The following NPEPL1 variants were observed in gnomAD, a reference collection of about 807,000 sequenced individuals.
NPEPL1 encodes aminopeptidase like 1, also known as probable aminopeptidase NPEPL1.
Under a neutral mutation model 52.4 loss-of-function variants are expected in NPEPL1, and 45 were observed. The ratio of observed to expected loss-of-function variants is 0.86; its 90% CI spans 0.68 to 1.10. The LOEUF (loss-of-function observed/expected upper bound fraction) is 1.10, where lower values mean the gene tolerates loss of function less well. NPEPL1 is among the 50% of genes least tolerant of loss of function. NPEPL1 has a pLI of 0.00. For synonymous variants in NPEPL1, 360 were observed against 314.7 expected (o/e 1.14, Z -1.52); for missense variants, 696 against 710.9 (o/e 0.98, Z 0.24).
chr20:58,715,345 G>C lies in NPEPL1; in HGVS notation c.*19G>C. 1 of 1,583,050 alleles carries C rather than the reference G, an allele frequency of 6.3e-7. No individual in the cohort carries two copies. The highest frequency in any genetic ancestry group is 8.6e-7 in the Non-Finnish European group (1 of 1,164,740). Reference sequence around the variant, plus strand: ...TGTGTGAGCCTCCTGCCTCGGCCCTGACAAACGGGGATCTTTTACCTCACT... The same window carrying C: ...TGTGTGAGCCTCCTGCCTCGGCCCTCACAAACGGGGATCTTTTACCTCACT... On this transcript the variant is annotated 3_prime_UTR_variant, in exon 12 of 12. Coordinates refer to ENST00000356091, the MANE Select transcript of NPEPL1 (RefSeq NM_024663.4).
At chr20:58,693,960 G>C (rs369613806) in intron 2 of NPEPL1, 38 bp downstream of exon 2, 89 of 1,515,932 alleles carry the variant, frequency 5.9e-5, no homozygotes, top group Non-Finnish European at 7.7e-5. Flanking sequence ...GGTGCTCCTA[G>C]TCGGGCAGCG....
In NPEPL1 at chr20:58,693,923, G is replaced by A. The variant is rs981272761; in HGVS notation, c.336+1G>A. On this transcript the variant is annotated splice_donor_variant, in intron 2 of 11. Coordinates refer to ENST00000356091, the MANE Select transcript of NPEPL1 (RefSeq NM_024663.4). LOFTEE classifies it high-confidence loss of function. ...GCCCGGAGCGCATCGCTGCATTGTG[G>A]TGAGTGCTTCGAGAGGAGGCAGCCA... 1.3e-6 allele frequency: 2 copies of A among 1,585,992 alleles called. No individual in the cohort carries two copies. Among genetic ancestry groups the A allele is most frequent in the East Asian group, 2.3e-5 (1 of 43,228 alleles).
chr20:58,705,798 G>T (rs1474043947), intron 6 of NPEPL1, among the ~76,000 whole-genome samples: 1 of 152,182 alleles, frequency 6.6e-6, no homozygotes, highest in Non-Finnish European at 1.5e-5. Flanking sequence ...AGGCATTGCT[G>T]TGTGACCCAT....
chr20:58,707,782 A>T (rs1251113458), intron 7 of NPEPL1, among the ~76,000 whole-genome samples: 1 of 152,174 alleles, frequency 6.6e-6, no homozygotes, highest in Admixed American at 6.5e-5. Flanking sequence ...GGCCATAAAA[A>T]GTGCTTATTA....
Position 58,694,538 on chromosome 20 carries a change from GGAGTTTTTCCTGGTGGGACAA to G in NPEPL1, c.456_476del (p.Glu152_Gln158del). The G allele has an allele frequency of 6.2e-7, 1 of 1,614,008 alleles. No individual in the cohort carries two copies. The highest frequency in any genetic ancestry group is 8.5e-7 in the Non-Finnish European group (1 of 1,179,894). On this transcript the variant is annotated inframe_deletion, in exon 3 of 12. Coordinates refer to ENST00000356091, the MANE Select transcript of NPEPL1 (RefSeq NM_024663.4). The stretch of plus-strand genomic sequence containing the variant: ...GCTTGGAGAAGAAGACGGTCACCGT[GGAGTTTTTCCTGGTGGGACAA>G]GACAACGGGCCGGTGGAGGTGTCCA...
At chr20:58,705,616 G>A in intron 6 of NPEPL1, 1 of 441,238 alleles carries the variant, frequency 2.3e-6, no homozygotes. Context: ...TTAAATCACT[G>A]CGAAAATGGT....
At chr20:58,712,453 G>C (rs2084869062) in intron 7 of NPEPL1, 26 bp from the exon 8 acceptor site, 1 of 1,540,378 alleles carries the variant, frequency 6.5e-7, no homozygotes, top group South Asian at 1.1e-5. Flanking sequence ...CCTACAACTG[G>C]AGCCTCTGCC....
chr20:58,704,811 C>A (rs2084705688), intron 6 of NPEPL1, among the ~76,000 whole-genome samples: 1 of 152,214 alleles, frequency 6.6e-6, no homozygotes, highest in Non-Finnish European at 1.5e-5. Context: ...CACCAAAACT[C>A]AACAAGTGGT....
At position 58,707,215 on chromosome 20, in the gene NPEPL1, C is replaced by T. The variant is rs1308504407; in HGVS notation, c.900+15C>T. 3 of 1,544,904 alleles carry T rather than the reference C, an allele frequency of 1.9e-6. No homozygotes were observed. Among genetic ancestry groups the T allele is most frequent in the East Asian group, 2.4e-5 (1 of 40,928 alleles). ...CAATCAAGCAGGTGAGTGGGCCCTG[C>T]CCGCCCTCTGCAGGGGCATCCTGGG... is the stretch of plus-strand genomic sequence containing the variant. On this transcript the variant is annotated intron_variant, in intron 7 of 11. Transcript: ENST00000356091.
intron 7 of NPEPL1, among the ~76,000 whole-genome samples, chr20:58,711,868 G>A (rs945917546): frequency 6.6e-5 from 10 of 152,200 alleles, no homozygotes; most frequent in Non-Finnish European, 1.2e-4. Flanking sequence ...TTAAAGATTC[G>A]TCTGCGGGAG....
rs1239151203 is a variant in NPEPL1 at position 58,694,461 on chromosome 20, G to T, written c.376G>T (p.Ala126Ser). The T allele has an allele frequency of 5.0e-6, 8 of 1,613,582 alleles. No homozygotes were observed. Among genetic ancestry groups the T allele is most frequent in the Non-Finnish European group, 6.8e-6 (8 of 1,179,766 alleles). The change falls in exon 3 of 12, where the codon GCC (alanine) becomes TCC (serine). Residue 126 changes from alanine (A) to serine (S), a missense_variant. By Grantham distance (99) the Ala-to-Ser change is moderately conservative. Transcript: ENST00000356091. ...GCCGGAGGTCTTTGCTTCCGCCTGT[G>T]CCCTGGCCCGGGCCTTCCCGCTGTT... The part of the protein sequence containing the change: ...EQPEVFASAC[A>S]LARAFPLFTH...
chr20:58,702,092 G>A (rs191170798), intron 6 of NPEPL1, among the ~76,000 whole-genome samples: 4 of 152,352 alleles, frequency 2.6e-5, no homozygotes, highest in South Asian at 2.1e-4. Context: ...GAGTGCATCC[G>A]CAGCAGACAC....
Position 58,712,746 on chromosome 20 carries a change from C to T in NPEPL1, c.1001+167C>T, listed in dbSNP as rs551051773. 6.3e-5 allele frequency: 44 copies of T among 693,666 alleles called. No individual in the cohort carries two copies. The East Asian group carries it at 6.9e-4, about 11-fold the overall frequency. 43.0% of individuals were successfully genotyped at this position (693,666 alleles called of 1,614,324 possible). A position where few individuals can be genotyped will look rare whatever the true frequency, so the allele number is the denominator to read the frequency against. ...AGGGCTGGGGAGCTTTGGTAGCAGG[C>T]GCACCTCACGTTGAGGGGCCCATGG... On this transcript the variant is annotated intron_variant, in intron 8 of 11. Coordinates refer to ENST00000356091, the MANE Select transcript of NPEPL1 (RefSeq NM_024663.4).
intron 3 of NPEPL1, among the ~76,000 whole-genome samples, chr20:58,697,665 C>T (rs1191469065): frequency 6.6e-6 from 1 of 152,192 alleles, no homozygotes; most frequent in African/African-American, 2.4e-5. Flanking sequence ...TTCTGGTGAG[C>T]AAGGGAGGCC....
intron 5 of NPEPL1, 26 bp from the exon 6 acceptor site, chr20:58,700,989 AC>A: frequency 1.3e-6 from 2 of 1,533,852 alleles, no homozygotes; most frequent in South Asian, 2.5e-5. Flanking sequence ...CCCGAGCCTA[AC>A]CCAGTTCTCC....
At chr20:58,704,179 A>G (rs2084692714) in intron 6 of NPEPL1, 13 of 985,380 alleles carry the variant, frequency 1.3e-5, no homozygotes, top group African/African-American at 1.7e-5. Context: ...CGCAGACGCA[A>G]CGCAGCAGGC....
chr20:58,714,717 G>A, intron 11 of NPEPL1, 47 bp downstream of exon 11: 1 of 1,429,094 alleles, frequency 7.0e-7, no homozygotes, highest in South Asian at 1.2e-5. Flanking sequence ...CCGCCCGCTT[G>A]TCCAAACAGC....
chr20:58,715,516 G>A lies in NPEPL1; in HGVS notation c.*190G>A. 1.7e-6 allele frequency: 1 copy of A among 574,520 alleles called. No individual in the cohort carries two copies. The highest frequency in any genetic ancestry group is 2.9e-6 in the Non-Finnish European group (1 of 339,144). The allele number at this position is 574,520 out of a possible 1,614,324, so 35.6% of individuals were successfully genotyped here. A position where few individuals can be genotyped will look rare whatever the true frequency, so the allele number is the denominator to read the frequency against. ...GTGCGGGCCACGGGGAGGGGACCGGGAAGCGCTGGGGCTTGTTTCTGTTTG... is the reference window on the plus strand; with the variant it reads ...GTGCGGGCCACGGGGAGGGGACCGGAAAGCGCTGGGGCTTGTTTCTGTTTG... On this transcript the variant is annotated 3_prime_UTR_variant, in exon 12 of 12. Transcript: ENST00000356091.
At chr20:58,710,997 G>A (rs1483598302) in intron 7 of NPEPL1, 1 of 152,150 alleles carries the variant, frequency 6.6e-6, no homozygotes, top group Non-Finnish European at 1.5e-5. Context: ...GCAGGGCCCA[G>A]CCTTCAGCGG....
Sources: allele counts gnomAD v4.1 joint callset (sites outside exome capture counted in the v4.1 genomes callset), GRCh38; gene constraint gnomAD v4.1.1; transcripts MANE v1.5; gene names NCBI Gene and HGNC (gene_info 2026-07-23, HGNC 2026-07-21).